PIGB: variants seen among roughly 807,000 people sequenced by gnomAD.
PIGB encodes phosphatidylinositol glycan anchor biosynthesis class B.
Under a neutral mutation model 68.4 loss-of-function variants are expected in PIGB, and 58 were observed. The ratio of observed to expected loss-of-function variants is 0.85; its 90% confidence interval spans 0.69 to 1.06. PIGB has a LOEUF of 1.06. PIGB is among the 50% of genes least tolerant of loss of function. The pLI is 0.00. For synonymous variants in PIGB, 219 were observed against 220.5 expected (o/e 0.99, Z 0.06); for missense variants, 634 against 655.8 (o/e 0.97, Z 0.36).
chr15:55,334,593 A>C (rs1566952212), intron 6 of PIGB, among the ~76,000 whole-genome samples: 1 of 152,332 alleles, frequency 6.6e-6, no homozygotes, highest in East Asian at 1.9e-4. Flanking sequence ...TTACAACAGT[A>C]ATCTTTTTAA....
At chr15:55,344,935 G>A (rs552203866) in intron 9 of PIGB, among the ~76,000 whole-genome samples, 1 of 123,222 alleles carries the variant, frequency 8.1e-6, no homozygotes, top group East Asian at 2.3e-4. Context: ...TCTCTCTGTC[G>A]CCCATGCTGG....
rs554939152 is a variant in PIGB, at chr15:55,342,852, T to A, written c.1123+1050T>A. Among the ~76,000 whole-genome samples, 3 of 152,286 alleles carry A rather than the reference T, an allele frequency of 2.0e-5. No individual in the cohort carries two copies. The East Asian group carries it at 5.8e-4, about 29-fold the overall frequency. On this transcript the variant is annotated intron_variant, in intron 9 of 11. Transcript: ENST00000164305. ...TTTTACATTGGTTGGTTTGGAAAAATTACGAATTGAAACTTTATTAACTTC... is the reference window on the plus strand; with the variant it reads ...TTTTACATTGGTTGGTTTGGAAAAAATACGAATTGAAACTTTATTAACTTC...
intron 6 of PIGB, among the ~76,000 whole-genome samples, chr15:55,334,678 A>T (rs887780134): frequency 1.3e-5 from 2 of 152,204 alleles, no homozygotes; most frequent in Non-Finnish European, 2.9e-5. Context: ...CCATAAGATT[A>T]TATTACCGTA....
At chr15:55,326,521 T>G (rs533279617) in intron 3 of PIGB, among the ~76,000 whole-genome samples, 105 of 152,300 alleles carry the variant, frequency 6.9e-4, no homozygotes, top group Non-Finnish European at 1.2e-3. Context: ...GTGCTGCAAA[T>G]ATTTGAATTT....
chr15:55,341,674 C>A, intron 8 of PIGB, 64 bp from the exon 9 acceptor site: 2 of 563,690 alleles, frequency 3.5e-6, no homozygotes, highest in Non-Finnish European at 5.7e-6. Flanking sequence ...AAATATATTA[C>A]TTTCTCAATC....
intron 5 of PIGB, among the ~76,000 whole-genome samples, chr15:55,332,259 C>T (rs1351837263): frequency 6.6e-6 from 1 of 151,956 alleles, no homozygotes; most frequent in African/African-American, 2.4e-5. Context: ...AGGCGTGAGT[C>T]ACTGCACCCA....
intron 7 of PIGB, 57 bp downstream of exon 7, chr15:55,339,375 T>C: frequency 9.1e-7 from 1 of 1,101,058 alleles, no homozygotes; most frequent in South Asian, 1.4e-5. Flanking sequence ...ATTAATACTT[T>C]AGAACAGAGG....
Position 55,352,549 on chromosome 15 carries a change from G to T in PIGB, c.1337+1637G>T, listed in dbSNP as rs528216810. Among the ~76,000 whole-genome samples the T allele has an allele frequency of 2.6e-5, 4 of 152,250 alleles. No homozygotes were observed. The South Asian group carries it at 8.3e-4, about 32-fold the overall frequency. On this transcript the variant is annotated intron_variant, in intron 10 of 11. Transcript: ENST00000164305. ...CGCCTGTAATCCTAGCACTTTGTGA[G>T]GCCGAGGCGGGCAGACTGCCTGAGC...
chr15:55,329,698 T>G (rs376738865), intron 4 of PIGB, 26 bp from the exon 5 acceptor site: 35 of 1,581,078 alleles, frequency 2.2e-5, no homozygotes, highest in Non-Finnish European at 2.8e-5. Flanking sequence ...CAATTTCATA[T>G]ATGTTTGCTC....
chr15:55,324,979 C>G, intron 3 of PIGB: 1 of 206,584 alleles, frequency 4.8e-6, no homozygotes, highest in African/African-American at 2.4e-5. Context: ...CCACTGACAA[C>G]TAAAAGTAAA....
chr15:55,328,723 T>C (rs2055345138), intron 4 of PIGB, among the ~76,000 whole-genome samples: 3 of 152,106 alleles, frequency 2.0e-5, no homozygotes, highest in Admixed American at 6.5e-5. Context: ...ATCCCAGCAC[T>C]TTGGGAGGCT....
chr15:55,326,397 T>C (rs1037753640), intron 3 of PIGB, among the ~76,000 whole-genome samples: 11 of 152,028 alleles, frequency 7.2e-5, no homozygotes, highest in Non-Finnish European at 1.2e-4. Flanking sequence ...CCTTGGAAAA[T>C]TAGTTAACCT....
chr15:55,351,873 CAAAAAAAAAA>C (rs748534093), intron 10 of PIGB: 2 of 55,036 alleles, frequency 3.6e-5, no homozygotes, highest in East Asian at 8.2e-4. Flanking sequence ...ACTCTGTCTC[CAAAAAAAAAA>C]AAAAAAAAAA....
intron 6 of PIGB, among the ~76,000 whole-genome samples, chr15:55,337,289 CTAAA>C (rs1022339225): frequency 2.0e-5 from 3 of 152,150 alleles, no homozygotes; most frequent in African/African-American, 7.2e-5. Flanking sequence ...CTTACAAAAG[CTAAA>C]TAAATACATA....
intron 6 of PIGB, among the ~76,000 whole-genome samples, chr15:55,335,454 T>C (rs1374951756): frequency 6.6e-6 from 1 of 152,178 alleles, no homozygotes; most frequent in Non-Finnish European, 1.5e-5. Flanking sequence ...AGGAGATGCA[T>C]CAGTTTAACC....
chr15:55,347,947 C>T, intron 9 of PIGB, among the ~76,000 whole-genome samples: 1 of 151,470 alleles, frequency 6.6e-6, no homozygotes, highest in Non-Finnish European at 1.5e-5. Context: ...TTTTGTGTCA[C>T]CCACCTATAC....
intron 3 of PIGB, among the ~76,000 whole-genome samples, chr15:55,325,868 A>C (rs1484221009): frequency 6.6e-6 from 1 of 151,778 alleles, no homozygotes; most frequent in Admixed American, 6.6e-5. Context: ...GTGAGCCAAG[A>C]TCACACAGCT....
chr15:55,339,132 A>C (rs779935767), intron 6 of PIGB, 135 bp from the exon 7 acceptor site: 9 of 654,996 alleles, frequency 1.4e-5, no homozygotes, highest in Middle Eastern at 3.2e-4. Flanking sequence ...AAATGTGTAA[A>C]TCTATATTCA....
chr15:55,350,469 A>G, intron 9 of PIGB: 1 of 533,830 alleles, frequency 1.9e-6, no homozygotes, highest in Non-Finnish European at 3.3e-6. Context: ...GTTGGACTCC[A>G]TAACCATCAT....
Sources: gnomAD v4.1 joint callset for allele counts (sites outside exome capture counted in the v4.1 genomes callset) on GRCh38, gnomAD v4.1.1 for gene constraint, MANE v1.5 for transcripts, NCBI Gene and HGNC (gene_info 2026-07-23, HGNC 2026-07-21) for gene names.